Variants in GPC2 observed in about 807,000 individuals in gnomAD.
GPC2 encodes the protein glypican-2.
In GPC2, 42 loss-of-function variants were observed where a neutral mutation model predicts 57.3. The ratio of observed to expected loss-of-function variants is 0.73; its 90% CI spans 0.57 to 0.95. The LOEUF is 0.95. Ranked by LOEUF, GPC2 falls within the 40% of genes least tolerant of loss-of-function variation. The pLI is 0.00. For missense variants in GPC2, 745 were observed against 793.6 expected (o/e 0.94, Z 0.74); for synonymous variants, 364 against 343.4 (o/e 1.06, Z -0.66).
intron 5 of GPC2, among the ~76,000 whole-genome samples, chr7:100,172,679 G>GTGTGTGTATATATATATATGTGTGTA: frequency 9.4e-6 from 1 of 106,794 alleles, no homozygotes; most frequent in Non-Finnish European, 2.3e-5. Flanking sequence ...ATATGTGTGT[G>GTGTGTGTATATATATATATGTGTGTA]TGTGTGTATA....
In GPC2 at chr7:100,176,315, T is replaced by C. The variant is rs1362305163; in HGVS notation, c.217A>G (p.Thr73Ala). 1 of 1,614,034 alleles carries C rather than the reference T, an allele frequency of 6.2e-7. No homozygotes were observed. Among genetic ancestry groups the C allele is most frequent in the African/African-American group, 1.3e-5 (1 of 75,014 alleles). Residue 73 changes from threonine (T) to alanine (A), a missense_variant, in exon 2 of 10, where the codon ACA (threonine) becomes GCA (alanine). Around this residue, in one of 2 missense-constraint regions of GPC2, gnomAD observed 138 missense variants for 189.8 expected, o/e 0.73. Transcript: ENST00000292377. ...PQEYTCCSSE[T>A]EQRLIRETEA... ...GTCTCCCTGATCAGCCTCTGCTCTG[T>C]CTCACTGGAACAGCAGGTGTACTCC...
At chr7:100,172,811 ATAT>A (rs1254690094) in intron 5 of GPC2, among the ~76,000 whole-genome samples, 1 of 148,588 alleles carries the variant, frequency 6.7e-6, no homozygotes, top group African/African-American at 2.5e-5. Context: ...ATGTGTGTAT[ATAT>A]ATACGTGTAT....
Position 100,171,011 on chromosome 7 carries a change from T to G in GPC2, c.1486+250A>C. On this transcript the variant is annotated intron_variant, in intron 9 of 9. Transcript: ENST00000292377. This position sits in a 1 kb window ranked among gnomAD's most constrained non-coding sequence, Gnocchi z 4.8. Reference sequence around the variant, plus strand: ...CCATTTTCCCACTGCCCTTTGCCCATTATAAGGGGCTTCCCACTGTTCTTT... The same window carrying G: ...CCATTTTCCCACTGCCCTTTGCCCAGTATAAGGGGCTTCCCACTGTTCTTT... The G allele has an allele frequency of 5.0e-4, 168 of 338,344 alleles. No homozygotes were observed. The highest frequency in any genetic ancestry group is 8.7e-4 in the East Asian group (16 of 18,478). The allele number at this position is 338,344 out of a possible 1,614,324, so 21.0% of individuals were successfully genotyped here. A position where few individuals can be genotyped will look rare whatever the true frequency, so the allele number is the denominator to read the frequency against.
chr7:100,170,024 T>A lies in GPC2; in HGVS notation c.*206A>T. On this transcript the variant is annotated 3_prime_UTR_variant, in exon 10 of 10. Coordinates refer to ENST00000292377, the MANE Select transcript of GPC2 (RefSeq NM_152742.3). ...CTAAATAAATACCCCCAGGCCCCCC[T>A]CCCATTACCAAATGAAAAAATAAAT... 1 of 389,384 alleles carries A rather than the reference T, an allele frequency of 2.6e-6. No individual in the cohort carries two copies. The highest frequency in any genetic ancestry group is 4.6e-6 in the Non-Finnish European group (1 of 219,712). 24.1% of individuals were successfully genotyped at this position (389,384 alleles called of 1,614,324 possible).
rs369669828 is a variant in GPC2 at position 100,175,722 on chromosome 7, G to A, written c.498C>T (p.Phe166=). ...GEGLDDTLAD[F]WAQLLERVFP... is the part of the protein sequence containing the mutation. The stretch of plus-strand genomic sequence containing the variant: ...ACACTCTCTCCAGGAGCTGTGCCCA[G>A]AAATCCGCCAGGGTGTCATCCAACC... Residue 166 remains phenylalanine, a synonymous_variant, in exon 3 of 10, where the codon TTC becomes TTT. Transcript: ENST00000292377. The A allele has an allele frequency of 1.9e-6, 3 of 1,614,158 alleles. No individual in the cohort carries two copies. Among genetic ancestry groups the A allele is most frequent in the East Asian group, 2.2e-5 (1 of 44,868 alleles).
chr7:100,172,201 C>T lies in GPC2; in HGVS notation c.909G>A (p.Leu303=), dbSNP rs202202902. ...AAAAGGGGCCCTGGAGCTTATCAGC[C>T]AGGATCAGGAGACCATCTTAAGGGA... ...WGNYLDGLLI[L]ADKLQGPFSF... The change falls in exon 6 of 10, where the codon CTG becomes CTA. Residue 303 remains leucine, a synonymous_variant. Transcript: ENST00000292377. The T allele has an allele frequency of 3.1e-6, 5 of 1,613,788 alleles. No homozygotes were observed. The highest frequency in any genetic ancestry group is 1.1e-5 in the South Asian group (1 of 91,052).
At chr7:100,172,351 G>T in intron 5 of GPC2, 134 bp from the exon 6 acceptor site, 1 of 943,536 alleles carries the variant, frequency 1.1e-6, no homozygotes, top group Non-Finnish European at 1.6e-6. Flanking sequence ...TCCCTCTCAT[G>T]TATCCCCCCA....
At position 100,171,911 on chromosome 7, in the gene GPC2, G is replaced by A; in HGVS notation, c.1038C>T (p.Cys346=). ...GGGCAGGCACCGGGTCGGGGGGGCC[G>A]CACTCCTGAAACACCTGCGGCACCG... ...AKVSAQVFQE[C]GPPDPVPARN... Residue 346 remains cysteine (C), a synonymous_variant, in exon 7 of 10, where the codon TGC becomes TGT. Transcript: ENST00000292377. This position sits in a 1 kb window ranked among gnomAD's most constrained non-coding sequence, Gnocchi z 4.8. 4 of 1,497,042 alleles carry A rather than the reference G, an allele frequency of 2.7e-6. No homozygotes were observed. The highest frequency in any genetic ancestry group is 2.7e-6 in the Non-Finnish European group (3 of 1,128,098). 92.7% of individuals were successfully genotyped at this position (1,497,042 alleles called of 1,614,324 possible). A position where few individuals can be genotyped will look rare whatever the true frequency, so the allele number is the denominator to read the frequency against.
rs1302032424 is a variant in GPC2, at chr7:100,176,328, G to A, written c.204C>T (p.Cys68=). 2 of 1,614,104 alleles carry A rather than the reference G, an allele frequency of 1.2e-6. No homozygotes were observed. ...HLRVCPQEYT[C]CSSETEQRLI... ...GCCTCTGCTCTGTCTCACTGGAACA[G>A]CAGGTGTACTCCTGGGGACAGACCC... The change falls in exon 2 of 10, where the codon TGC becomes TGT. Residue 68 remains cysteine (C), a synonymous_variant. Transcript: ENST00000292377.
chr7:100,170,303 GC>G lies in GPC2; in HGVS notation c.1666del (p.Ala556HisfsTer31), dbSNP rs753572388. ...GGTTTGGGTGTGAAAACCAATAGATGCCCCCCCACTCCTGCTCCGGCCCTGG... is the reference window on the plus strand; with the variant it reads ...GGTTTGGGTGTGAAAACCAATAGATGCCCCCCACTCCTGCTCCGGCCCTGG... ...YNQGRSRSGG[A>X]SIGFHTQTIL... is the part of the protein sequence containing the mutation. On this transcript the variant is annotated frameshift_variant, in exon 10 of 10. Transcript: ENST00000292377. LOFTEE classifies it high-confidence loss of function. 8.1e-6 allele frequency: 13 copies of G among 1,606,802 alleles called. No individual in the cohort carries two copies. The highest frequency in any genetic ancestry group is 2.3e-5 in the East Asian group (1 of 44,294).
chr7:100,170,937 T>A, intron 9 of GPC2: 1 of 349,996 alleles, frequency 2.9e-6, no homozygotes, highest in Admixed American at 4.7e-5. Context: ...GCCAGCTCAA[T>A]GTCACCCACC....
intron 2 of GPC2, 110 bp downstream of exon 2, chr7:100,176,097 A>AGGGGGG: frequency 1.4e-6 from 1 of 700,416 alleles, no homozygotes; most frequent in Admixed American, 4.7e-5. Context: ...GCGGGCTGGG[A>AGGGGGG]GGGGATGGAG....
At chr7:100,173,197 C>T (rs969329400) in intron 5 of GPC2, among the ~76,000 whole-genome samples, 4 of 152,138 alleles carry the variant, frequency 2.6e-5, no homozygotes, top group African/African-American at 9.7e-5. Flanking sequence ...GAACTCCTGA[C>T]CTGTCCTTGT....
chr7:100,174,482 G>A (rs1799235764), intron 4 of GPC2: 4 of 664,642 alleles, frequency 6.0e-6, no homozygotes, highest in Admixed American at 2.1e-5. Context: ...AGGGGAGGAG[G>A]GGGTCAGAGA....
intron 4 of GPC2, 187 bp from the exon 5 acceptor site, chr7:100,174,184 G>T: frequency 1.9e-6 from 1 of 533,378 alleles, no homozygotes; most frequent in Non-Finnish European, 3.3e-6. Context: ...TCTGATTCGT[G>T]GGAGGGGTGG....
rs1371793075 is a variant in GPC2 at position 100,171,230 on chromosome 7, G to T, written c.1486+31C>A. ...GGGAGAGGCTTCAGGGCAGTGGGCG[G>T]GGCTCAGGCTCAGGGATGCAGGGGT... On this transcript the variant is annotated intron_variant, in intron 9 of 9. Transcript: ENST00000292377. This position sits in a 1 kb window ranked among gnomAD's most constrained non-coding sequence, Gnocchi z 4.8. The T allele has an allele frequency of 2.0e-6, 3 of 1,505,564 alleles. No individual in the cohort carries two copies. Among genetic ancestry groups the T allele is most frequent in the Non-Finnish European group, 2.7e-6 (3 of 1,125,918 alleles). 93.3% of individuals were successfully genotyped at this position (1,505,564 alleles called of 1,614,324 possible).
In GPC2 at chr7:100,170,461, T is replaced by G; in HGVS notation, c.1509A>C (p.Gly503=). Residue 503 remains glycine, a synonymous_variant, in exon 10 of 10, where the codon GGA becomes GGC. Coordinates refer to ENST00000292377, the MANE Select transcript of GPC2 (RefSeq NM_152742.3). ...QDADEDASGS[G]GGQQYADDWM... is the part of the protein sequence containing the mutation. ...AGTCATCTGCATACTGCTGTCCCCC[T>G]CCAGAGCCGCTGGCATCCTCATCTG... is the stretch of plus-strand genomic sequence containing the variant. 1 of 1,544,698 alleles carries G rather than the reference T, an allele frequency of 6.5e-7. No individual in the cohort carries two copies.
chr7:100,171,586 G>A lies in GPC2; in HGVS notation c.1263C>T (p.Asp421=), dbSNP rs1006301183. ...AGCAGGGCGCCGCCTCCAGCGAGGC[G>A]TCCGCTGCCATGCGAGAGTCTCCGC... is the stretch of plus-strand genomic sequence containing the variant. ...TVCGDSRMAA[D]ASLEAAPCWT... Residue 421 remains aspartate (D), a synonymous_variant, in exon 8 of 10, where the codon GAC becomes GAT. Coordinates refer to ENST00000292377, the MANE Select transcript of GPC2 (RefSeq NM_152742.3). This position sits in a 1 kb window ranked among gnomAD's most constrained non-coding sequence, Gnocchi z 4.8. 4.0e-6 allele frequency: 6 copies of A among 1,512,214 alleles called. No homozygotes were observed. Among genetic ancestry groups the A allele is most frequent in the Non-Finnish European group, 5.3e-6 (6 of 1,142,376 alleles). The allele number at this position is 1,512,214 out of a possible 1,614,324, so 93.7% of individuals were successfully genotyped here. A position where few individuals can be genotyped will look rare whatever the true frequency, so the allele number is the denominator to read the frequency against.
In GPC2 at chr7:100,171,473, GCGCGGCCCCGCCCCTCCCGGC is replaced by G. The variant is rs2116981780; in HGVS notation, c.1310+45_1311-38del. ...GCAGCCCCGAAGCGCCAGCTAGCGC[GCGCGGCCCCGCCCCTCCCGGC>G]CGCGGTCCCGCCCCCTGCTGCCCCC... On this transcript the variant is annotated intron_variant, in intron 8 of 9. Coordinates refer to ENST00000292377, the MANE Select transcript of GPC2 (RefSeq NM_152742.3). This position sits in a 1 kb window ranked among gnomAD's most constrained non-coding sequence, Gnocchi z 4.8. 1.1e-5 allele frequency: 15 copies of G among 1,352,268 alleles called. No homozygotes were observed. The highest frequency in any genetic ancestry group is 1.3e-5 in the Non-Finnish European group (14 of 1,057,508). 83.8% of individuals were successfully genotyped at this position (1,352,268 alleles called of 1,614,324 possible). A position where few individuals can be genotyped will look rare whatever the true frequency, so the allele number is the denominator to read the frequency against.
Sources: gnomAD v4.1 joint callset for allele counts (sites outside exome capture counted in the v4.1 genomes callset) on GRCh38, gnomAD v4.1.1 for gene constraint, gnomAD v4.1.1 regional missense constraint, Gnocchi (gnomAD v3.1) non-coding constraint, MANE v1.5 for transcripts, NCBI Gene and HGNC (gene_info 2026-07-23, HGNC 2026-07-21) for gene names.